GPC6: variants seen among roughly 807,000 people sequenced by gnomAD.
The protein encoded by GPC6 is glypican-6.
A neutral mutation model predicts 55.2 loss-of-function variants in GPC6; 14 were observed. The observed-to-expected ratio is 0.25, with a 90% CI of 0.17 to 0.40. The LOEUF is 0.40. Ranked by LOEUF, GPC6 falls within the 10% of genes least tolerant of loss-of-function variation. The probability of loss-of-function intolerance (pLI) is 1.00; values close to 1 mark genes in which losing one functional copy is unlikely to be tolerated. For missense variants in GPC6, 641 were observed against 708.5 expected (o/e 0.90, Z 1.08); for synonymous variants, 278 against 259.6 (o/e 1.07, Z -0.68).
intron 2 of GPC6, among the ~76,000 whole-genome samples, chr13:93,806,467 A>G (rs1410482167): frequency 1.3e-5 from 2 of 152,170 alleles, no homozygotes; most frequent in Non-Finnish European, 1.5e-5. Context: ...TCTCCCAAGT[A>G]GCTGGGATTA....
chr13:93,874,615 C>A lies in GPC6; in HGVS notation c.711+44070C>A, dbSNP rs1417816040. Among the ~76,000 whole-genome samples the A allele has an allele frequency of 5.3e-5, 8 of 149,920 alleles. 1 individual carries two copies. Among genetic ancestry groups the A allele is most frequent in the African/African-American group, 1.7e-4 (7 of 40,666 alleles). On this transcript the variant is annotated intron_variant, in intron 3 of 8. Transcript: ENST00000377047. ...GCATACCAGATCCTACCTCATGGAG[C>A]CCTACCGTAACTCTATATTCTTACC...
At chr13:93,241,655 G>A (rs1477433416) in intron 1 of GPC6, among the ~76,000 whole-genome samples, 1 of 151,918 alleles carries the variant, frequency 6.6e-6, no homozygotes, top group Admixed American at 6.6e-5. Flanking sequence ...TCTTTATCTG[G>A]TATTTCCAAG....
chr13:93,611,362 A>G (rs1381474884), intron 2 of GPC6, among the ~76,000 whole-genome samples: 3 of 152,190 alleles, frequency 2.0e-5, no homozygotes, highest in Admixed American at 6.5e-5. Flanking sequence ...TATAATACCT[A>G]TCATTGAAAA....
chr13:93,328,595 A>G (rs1879735048), intron 1 of GPC6, among the ~76,000 whole-genome samples: 1 of 151,900 alleles, frequency 6.6e-6, no homozygotes, highest in Admixed American at 6.6e-5. Context: ...GGATCAATTG[A>G]GCCCAGGAGG....
chr13:94,150,070 C>T (rs1887685509), intron 4 of GPC6, among the ~76,000 whole-genome samples: 1 of 152,034 alleles, frequency 6.6e-6, no homozygotes, highest in Non-Finnish European at 1.5e-5. Context: ...TCCCAATCCT[C>T]CCAACCAAGC....
At chr13:94,271,923 C>T (rs1314980073) in intron 4 of GPC6, among the ~76,000 whole-genome samples, 1 of 152,160 alleles carries the variant, frequency 6.6e-6, no homozygotes, top group Non-Finnish European at 1.5e-5. Context: ...GAGATGAAGT[C>T]ATTCACTTCC....
intron 4 of GPC6, among the ~76,000 whole-genome samples, chr13:94,183,912 A>G (rs1399961086): frequency 6.6e-6 from 1 of 152,204 alleles, no homozygotes; most frequent in Non-Finnish European, 1.5e-5. Flanking sequence ...TTCATAGACC[A>G]CTGTAACAAA....
chr13:94,270,874 G>C (rs995019529), intron 4 of GPC6, among the ~76,000 whole-genome samples: 1 of 150,480 alleles, frequency 6.6e-6, no homozygotes, highest in Non-Finnish European at 1.5e-5. Context: ...TGGGCCCACA[G>C]CTTTCAAGAT....
chr13:93,511,843 T>C (rs72641603), intron 1 of GPC6, among the ~76,000 whole-genome samples: 12,294 of 152,028 alleles, frequency 0.081, 683 homozygotes, highest in Non-Finnish European at 0.12. Context: ...TTTCAATTTC[T>C]TTCACCCAAG....
chr13:93,718,270 C>T (rs890766691), intron 2 of GPC6, among the ~76,000 whole-genome samples: 41 of 151,904 alleles, frequency 2.7e-4, no homozygotes, highest in Admixed American at 2.2e-3. Context: ...TCTCCAGCAC[C>T]GGTTGTTTCC....
rs142857480 is a variant in GPC6, at chr13:93,899,900, C to T, written c.711+69355C>T. Among the ~76,000 whole-genome samples, 776 of 151,936 alleles carry T rather than the reference C, an allele frequency of 5.1e-3. 9 individuals carry two copies. Among genetic ancestry groups the T allele is most frequent in the African/African-American group, 0.017 (714 of 41,432 alleles). ...CAATTGTGCTTTAAAAACATGTTTC[C>T]GATTATATGGAAGTTACAGGTTAAT... is the stretch of plus-strand genomic sequence containing the variant. On this transcript the variant is annotated intron_variant, in intron 3 of 8. Transcript: ENST00000377047.
intron 5 of GPC6, among the ~76,000 whole-genome samples, chr13:94,293,853 A>C (rs9516383): frequency 0.016 from 2,390 of 152,232 alleles, 32 homozygotes; most frequent in East Asian, 0.036. Context: ...TTACCTTCCC[A>C]CCAGCACCAG....
chr13:94,078,494 A>G (rs1884995360), intron 4 of GPC6, among the ~76,000 whole-genome samples: 1 of 151,930 alleles, frequency 6.6e-6, no homozygotes, highest in African/African-American at 2.4e-5. Flanking sequence ...AAATTGACAA[A>G]CTAAGAAAAG....
intron 4 of GPC6, among the ~76,000 whole-genome samples, chr13:94,237,041 A>C (rs1170706768): frequency 6.6e-6 from 1 of 152,160 alleles, no homozygotes; most frequent in South Asian, 2.1e-4. Flanking sequence ...AAGAGTAATA[A>C]ACAGGAGGTT....
In GPC6 at chr13:93,437,045, T is replaced by C. The variant is rs1877599811; in HGVS notation, c.161-108218T>C. Among the ~76,000 whole-genome samples, 3 of 152,076 alleles carry C rather than the reference T, an allele frequency of 2.0e-5. No homozygotes were observed. The South Asian group carries it at 6.2e-4, about 32-fold the overall frequency. On this transcript the variant is annotated intron_variant, in intron 1 of 8. Transcript: ENST00000377047. The stretch of plus-strand genomic sequence containing the variant: ...ATTTTAAGTTCGTTATCAGTATCTG[T>C]TTTGGTGATCTTTGATCAGTGATCT...
rs141712363 is a variant in GPC6 at position 94,003,270 on chromosome 13, GT to G, written c.712-24458del. 4.7e-3 allele frequency among the ~76,000 whole-genome samples: 717 copies of G among 152,276 alleles called. 7 individuals carry two copies. The highest frequency in any genetic ancestry group is 0.015 in the African/African-American group (619 of 41,560). On this transcript the variant is annotated intron_variant, in intron 3 of 8. Transcript: ENST00000377047. ...CAGAAACTTAGATGCTGAACTGTTT[GT>G]GTAAAAATTGAGCACATAGTCTAAT...
intron 1 of GPC6, among the ~76,000 whole-genome samples, chr13:93,312,310 G>A (rs576273001): frequency 1.3e-5 from 2 of 152,202 alleles, no homozygotes; most frequent in Admixed American, 6.5e-5. Flanking sequence ...GTACACTTAT[G>A]TCCTGTGTAT....
At chr13:94,061,702 C>T (rs1594704725) in intron 4 of GPC6, among the ~76,000 whole-genome samples, 1 of 151,508 alleles carries the variant, frequency 6.6e-6, no homozygotes, top group Non-Finnish European at 1.5e-5. Context: ...CCTGCTGATG[C>T]CATTATCCCT....
At chr13:93,516,778 G>T (rs1237247747) in intron 1 of GPC6, among the ~76,000 whole-genome samples, 1 of 150,358 alleles carries the variant, frequency 6.7e-6, no homozygotes, top group African/African-American at 2.4e-5. Context: ...AAGGAAATTG[G>T]TAGCTTAGCT....
Sources: allele counts gnomAD v4.1 joint callset (sites outside exome capture counted in the v4.1 genomes callset), GRCh38; gene constraint gnomAD v4.1.1; transcripts MANE v1.5; gene names NCBI Gene and HGNC (gene_info 2026-07-23, HGNC 2026-07-21).